The following UNC13C variants were observed in gnomAD, a reference collection of about 807,000 sequenced individuals.
UNC13C encodes the protein unc-13 homolog C, also known as protein unc-13 homolog C.
Under a neutral mutation model 245.4 loss-of-function variants are expected in UNC13C, and 174 were observed. That is an observed-to-expected ratio of 0.71 (90% CI 0.63 to 0.80). The LOEUF (loss-of-function observed/expected upper bound fraction) is 0.80. Ranked by LOEUF, UNC13C falls within the 30% of genes least tolerant of loss-of-function variation. UNC13C has a pLI of 0.00. For missense variants in UNC13C, 2,829 were observed against 2,602.9 expected, an observed-to-expected ratio of 1.09 and a Z score of -1.89; for synonymous variants, 992 against 895.1, an observed-to-expected ratio of 1.11 and a Z score of -1.93.
chr15:54,408,985 G>A (rs981482642), intron 18 of UNC13C, among the ~76,000 whole-genome samples: 1 of 152,058 alleles, frequency 6.6e-6, no homozygotes, highest in Non-Finnish European at 1.5e-5. Flanking sequence ...GACTCCTGGG[G>A]CACAGACAAG....
intron 17 of UNC13C, among the ~76,000 whole-genome samples, chr15:54,342,113 G>A (rs1006176885): frequency 6.6e-6 from 1 of 152,040 alleles, no homozygotes; most frequent in African/African-American, 2.4e-5. Flanking sequence ...GAACGCTTGA[G>A]TTTTATGTTC....
rs1194219776 is a variant in UNC13C at position 53,978,677 on chromosome 15, C to T, written c.-507C>T. Among the ~76,000 whole-genome samples, 4 of 152,054 alleles carry T rather than the reference C, an allele frequency of 2.6e-5. No individual in the cohort carries two copies. The highest frequency in any genetic ancestry group is 6.5e-5 in the Admixed American group (1 of 15,270). On this transcript the variant is annotated 5_prime_UTR_variant, in exon 1 of 33. Coordinates refer to ENST00000260323, the MANE Select transcript of UNC13C (RefSeq NM_001080534.3). ...GTTGTAGAATTGCTTCGGAGGCTAC[C>T]CGGGAGTGCGATAGAATTGACAAGA...
intron 19 of UNC13C, among the ~76,000 whole-genome samples, chr15:54,467,728 G>C (rs1426550111): frequency 6.6e-6 from 1 of 151,558 alleles, no homozygotes; most frequent in South Asian, 2.1e-4. Context: ...GAGATCATAT[G>C]GCATTTGTCT....
chr15:53,863,497 G>A, the UNC13C span, among the ~76,000 whole-genome samples: 2 of 152,140 alleles, frequency 1.3e-5, no homozygotes, highest in Non-Finnish European at 2.9e-5. Flanking sequence ...TAATGATATT[G>A]TTATACAGGC....
chr15:54,386,876 A>C (rs775035562), intron 17 of UNC13C, among the ~76,000 whole-genome samples: 6 of 152,190 alleles, frequency 3.9e-5, no homozygotes, highest in Non-Finnish European at 8.8e-5. Context: ...CACTGATGTC[A>C]GGAATGTCCC....
At chr15:54,324,788 T>C (rs1476458972) in intron 14 of UNC13C, among the ~76,000 whole-genome samples, 1 of 152,038 alleles carries the variant, frequency 6.6e-6, no homozygotes. Context: ...AAGTAGAATG[T>C]CATTGGTCAG....
chr15:54,552,549 T>C (rs1371011523), intron 28 of UNC13C, among the ~76,000 whole-genome samples: 4 of 81,410 alleles, frequency 4.9e-5, no homozygotes, highest in Admixed American at 4.6e-4. Context: ...ATATATTATA[T>C]TGTATATAAT....
At chr15:54,373,532 T>A (rs1300924215) in intron 17 of UNC13C, among the ~76,000 whole-genome samples, 1 of 152,110 alleles carries the variant, frequency 6.6e-6, no homozygotes, top group Non-Finnish European at 1.5e-5. Context: ...GGGTGCCAGC[T>A]CCCTGCAAGG....
At chr15:54,494,364 T>G (rs1371798444) in intron 19 of UNC13C, among the ~76,000 whole-genome samples, 1 of 152,126 alleles carries the variant, frequency 6.6e-6, no homozygotes, top group African/African-American at 2.4e-5. Context: ...TTTCACATTT[T>G]TCAGTAAGCT....
intron 2 of UNC13C, among the ~76,000 whole-genome samples, chr15:54,046,425 C>T (rs1595763019): frequency 6.6e-6 from 1 of 152,034 alleles, no homozygotes; most frequent in African/African-American, 2.4e-5. Context: ...ATATTTTTGC[C>T]ACTCAATTGA....
chr15:54,346,793 C>G lies in UNC13C; in HGVS notation c.4713+8304C>G, dbSNP rs564291210. Among the ~76,000 whole-genome samples, 36 of 152,184 alleles carry G rather than the reference C, an allele frequency of 2.4e-4. No individual in the cohort carries two copies. In the South Asian group the frequency reaches 6.9e-3, roughly 29 times the overall value. On this transcript the variant is annotated intron_variant, in intron 17 of 32. Coordinates refer to ENST00000260323, the MANE Select transcript of UNC13C (RefSeq NM_001080534.3). ...GTCAGTGTAGACAGAGGTCACTGGA[C>G]TCACAGAGAGGTACACAAAAGATCA...
At chr15:54,442,141 C>A (rs1261392901) in intron 19 of UNC13C, among the ~76,000 whole-genome samples, 1 of 151,674 alleles carries the variant, frequency 6.6e-6, no homozygotes, top group African/African-American at 2.4e-5. Flanking sequence ...TATTCTTTTT[C>A]CAATTTTGAT....
At chr15:53,892,651 C>T in the UNC13C span, among the ~76,000 whole-genome samples, 22 of 151,888 alleles carry the variant, frequency 1.4e-4, no homozygotes, top group Middle Eastern at 3.4e-3. Context: ...TCCTTTCTTC[C>T]GCTTGATTGA....
At position 54,265,395 on chromosome 15, in the gene UNC13C, G is replaced by C; in HGVS notation, c.3717G>C (p.Gly1239=). 3 of 1,588,604 alleles carry C rather than the reference G, an allele frequency of 1.9e-6. No homozygotes were observed. In the South Asian group the frequency reaches 3.5e-5, roughly 18 times the overall value. ...AQGLQAKDKT[G]SSDPYVTVQV... is the part of the protein sequence containing the mutation. ...GTCTACAGGCAAAAGATAAAACAGG[G>C]TCTAGTGATCCATATGTTACAGTTC... Residue 1239 remains glycine, a synonymous_variant, in exon 10 of 33, where the codon GGG becomes GGC. Transcript: ENST00000260323.
At chr15:54,378,983 G>A (rs1042030629) in intron 17 of UNC13C, among the ~76,000 whole-genome samples, 1 of 151,936 alleles carries the variant, frequency 6.6e-6, no homozygotes, top group African/African-American at 2.4e-5. Flanking sequence ...AAAGGACCCT[G>A]TAAAGACTAT....
chr15:54,516,868 G>A (rs1328732117), intron 24 of UNC13C, among the ~76,000 whole-genome samples: 1 of 150,862 alleles, frequency 6.6e-6, no homozygotes, highest in African/African-American at 2.4e-5. Context: ...TTGTACACCA[G>A]TCCTGACCAG....
At chr15:53,866,297 A>C in the UNC13C span, among the ~76,000 whole-genome samples, 1 of 152,222 alleles carries the variant, frequency 6.6e-6, no homozygotes, top group East Asian at 1.9e-4. Flanking sequence ...GATGAATTGC[A>C]ATGCTAAAGG....
At chr15:54,159,498 G>A (rs2032888332) in intron 4 of UNC13C, among the ~76,000 whole-genome samples, 1 of 152,204 alleles carries the variant, frequency 6.6e-6, no homozygotes, top group African/African-American at 2.4e-5. Flanking sequence ...CCTTGTGCAT[G>A]TTGTATTTAG....
In UNC13C at chr15:54,312,541, C is replaced by T. The variant is rs188368468; in HGVS notation, c.4269-9398C>T. 1.4e-3 allele frequency among the ~76,000 whole-genome samples: 220 copies of T among 151,762 alleles called. 1 individual carries two copies. Among genetic ancestry groups the T allele is most frequent in the Non-Finnish European group, 2.5e-3 (167 of 67,840 alleles). ...AGAGCATAAAAGATTCTACATAATCCCCAGGGTATATTGTTCCCAGGGTTC... is the reference window on the plus strand; with the variant it reads ...AGAGCATAAAAGATTCTACATAATCTCCAGGGTATATTGTTCCCAGGGTTC... On this transcript the variant is annotated intron_variant, in intron 13 of 32. Transcript: ENST00000260323.
Sources: allele counts gnomAD v4.1 joint callset (sites outside exome capture counted in the v4.1 genomes callset), GRCh38; gene constraint gnomAD v4.1.1; transcripts MANE v1.5; gene names NCBI Gene and HGNC (gene_info 2026-07-23, HGNC 2026-07-21).